The following PPARG variants were observed in gnomAD, a reference collection of about 807,000 sequenced individuals.
PPARG encodes peroxisome proliferator-activated receptor gamma.
In PPARG, 17 loss-of-function variants were observed where a neutral mutation model predicts 39.2. The ratio of observed to expected loss-of-function variants is 0.43; its 90% confidence interval spans 0.30 to 0.65. The LOEUF (loss-of-function observed/expected upper bound fraction) is 0.65. PPARG is among the 30% of genes least tolerant of loss of function. The probability of loss-of-function intolerance (pLI) is 0.13; values close to 1 mark genes in which losing one functional copy is unlikely to be tolerated. For missense variants in PPARG, 406 were observed against 585.9 expected (o/e 0.69, Z 3.17); for synonymous variants, 223 against 215.7 (o/e 1.03, Z -0.30).
At chr3:12,326,827 C>T (rs1185608057) in intron 2 of PPARG, among the ~76,000 whole-genome samples, 1 of 151,926 alleles carries the variant, frequency 6.6e-6, no homozygotes, top group Non-Finnish European at 1.5e-5. Context: ...CAAGATCGGG[C>T]GTGTTCAGGG....
At chr3:12,405,764 CA>C in intron 5 of PPARG, 117 bp from the exon 6 acceptor site, 1 of 1,010,264 alleles carries the variant, frequency 9.9e-7, no homozygotes, top group Non-Finnish European at 1.5e-6. Flanking sequence ...AACCAGGACT[CA>C]AGAGCAGTGG....
chr3:12,364,505 C>G (rs2048951699), intron 2 of PPARG, among the ~76,000 whole-genome samples: 1 of 152,134 alleles, frequency 6.6e-6, no homozygotes, highest in Non-Finnish European at 1.5e-5. Flanking sequence ...AATAGAGATG[C>G]TATAAACACC....
At chr3:12,413,286 T>C (rs866441907) in intron 6 of PPARG, among the ~76,000 whole-genome samples, 1 of 152,044 alleles carries the variant, frequency 6.6e-6, no homozygotes, top group African/African-American at 2.4e-5. Context: ...TAAGAATTGG[T>C]GAATTGGTTG....
intron 2 of PPARG, among the ~76,000 whole-genome samples, chr3:12,367,525 G>A (rs1193775810): frequency 1.3e-5 from 2 of 151,980 alleles, no homozygotes; most frequent in Non-Finnish European, 2.9e-5. Context: ...TAGACAAGAT[G>A]TGGCTCATGC....
chr3:12,346,389 A>G (rs995801481), intron 2 of PPARG, among the ~76,000 whole-genome samples: 1 of 152,178 alleles, frequency 6.6e-6, no homozygotes, highest in African/African-American at 2.4e-5. Flanking sequence ...CAGTCATATT[A>G]TTCAGTATCT....
At chr3:12,330,301 T>TAAAAAAAA (rs1302998459) in intron 2 of PPARG, among the ~76,000 whole-genome samples, 165 of 114,526 alleles carry the variant, frequency 1.4e-3, no homozygotes, top group African/African-American at 4.9e-3. Context: ...ACACCTTTTT[T>TAAAAAAAA]TAAAAAAAAA....
chr3:12,407,243 C>T (rs1437643610), intron 6 of PPARG, among the ~76,000 whole-genome samples: 1 of 152,132 alleles, frequency 6.6e-6, no homozygotes, highest in African/African-American at 2.4e-5. Context: ...TCACTGCAAC[C>T]TCCACCTCCC....
intron 1 of PPARG, among the ~76,000 whole-genome samples, chr3:12,296,174 C>T (rs1214323420): frequency 6.9e-6 from 1 of 144,150 alleles, no homozygotes; most frequent in African/African-American, 2.6e-5. Context: ...ATCACTTGAA[C>T]CCGGTAGGTG....
At chr3:12,291,774 G>A (rs765589143) in intron 1 of PPARG, among the ~76,000 whole-genome samples, 3 of 151,990 alleles carry the variant, frequency 2.0e-5, no homozygotes, top group African/African-American at 4.8e-5. Flanking sequence ...TTTTAATGCC[G>A]AGAATTTCAT....
chr3:12,318,580 T>A (rs1000404574), intron 2 of PPARG, among the ~76,000 whole-genome samples: 6 of 152,176 alleles, frequency 3.9e-5, no homozygotes, highest in Non-Finnish European at 8.8e-5. Context: ...TTAAAATGAA[T>A]AGGAAAAAGA....
At chr3:12,371,362 G>A (rs762540242) in intron 2 of PPARG, among the ~76,000 whole-genome samples, 27 of 152,204 alleles carry the variant, frequency 1.8e-4, no homozygotes, top group Non-Finnish European at 3.7e-4. Context: ...AACAACATTT[G>A]TATATCTGTA....
At chr3:12,368,977 C>A (rs1410074159) in intron 2 of PPARG, among the ~76,000 whole-genome samples, 1 of 152,122 alleles carries the variant, frequency 6.6e-6, no homozygotes, top group Non-Finnish European at 1.5e-5. Context: ...AATAGAGTTA[C>A]TCCCTCTGTT....
At chr3:12,287,827 C>T (rs867674907), upstream of PPARG, 5 of 135,602 alleles carry the variant, frequency 3.7e-5, no homozygotes, top group Admixed American at 7.1e-5. Flanking sequence ...CCCCCACCCC[C>T]ACCCCCACCC....
intron 7 of PPARG, among the ~76,000 whole-genome samples, chr3:12,433,537 CAAA>C (rs11451254): frequency 4.0e-5 from 4 of 98,786 alleles, no homozygotes; most frequent in Admixed American, 1.0e-4. Flanking sequence ...GACTCCATCT[CAAA>C]AAAAAAAAAA....
At position 12,424,935 on chromosome 3, in the gene PPARG, T is replaced by G. The variant is rs2051385904; in HGVS notation, c.1180+7781T>G. Among the ~76,000 whole-genome samples, 5 of 152,284 alleles carry G rather than the reference T, an allele frequency of 3.3e-5. No homozygotes were observed. The South Asian group carries it at 1.0e-3, about 32-fold the overall frequency. On this transcript the variant is annotated intron_variant, in intron 7 of 7. Coordinates refer to ENST00000651735, the MANE Select transcript of PPARG (RefSeq NM_138711.6). Reference sequence around the variant, plus strand: ...TGCCTGGGACATGTTCAGCACACAATAAATGCTAATTTTCCCTTTTGCCCT... The same window carrying G: ...TGCCTGGGACATGTTCAGCACACAAGAAATGCTAATTTTCCCTTTTGCCCT...
chr3:12,346,908 T>G (rs2125083195), intron 2 of PPARG, among the ~76,000 whole-genome samples: 2 of 152,234 alleles, frequency 1.3e-5, no homozygotes, highest in Middle Eastern at 6.8e-3. Context: ...AGTGCTGGGA[T>G]TGCAGGTGTG....
chr3:12,354,025 A>G (rs898749872), intron 2 of PPARG, among the ~76,000 whole-genome samples: 2 of 152,236 alleles, frequency 1.3e-5, no homozygotes, highest in Non-Finnish European at 2.9e-5. Context: ...TAGAGACATG[A>G]TAAATGCTGC....
At chr3:12,394,101 C>A (rs2050175652) in intron 5 of PPARG, among the ~76,000 whole-genome samples, 1 of 152,102 alleles carries the variant, frequency 6.6e-6, no homozygotes, top group African/African-American at 2.4e-5. Flanking sequence ...AACATAAGGG[C>A]AAGCTTCCAA....
At chr3:12,345,250 A>G (rs928691631) in intron 2 of PPARG, among the ~76,000 whole-genome samples, 1 of 152,234 alleles carries the variant, frequency 6.6e-6, no homozygotes, top group Admixed American at 6.5e-5. Flanking sequence ...GCAAGAGAAC[A>G]TTCGTCAGCA....
Sources: gnomAD v4.1 joint callset for allele counts (sites outside exome capture counted in the v4.1 genomes callset) on GRCh38, gnomAD v4.1.1 for gene constraint, MANE v1.5 for transcripts, NCBI Gene and HGNC (gene_info 2026-07-23, HGNC 2026-07-21) for gene names.